PDE6A: variants seen among roughly 807,000 people sequenced by gnomAD.
The protein encoded by PDE6A is phosphodiesterase 6A.
PDE6A carries 84 observed loss-of-function variants against 106.3 expected under a neutral mutation model. The observed-to-expected ratio is 0.79, with a 90% CI of 0.66 to 0.95. The LOEUF (loss-of-function observed/expected upper bound fraction) is 0.95. Among genes scored for constraint, PDE6A ranks in the 40% least tolerant of loss-of-function variants. The pLI is 0.00. For synonymous variants in PDE6A, 394 were observed against 386.6 expected (o/e 1.02, Z -0.23); for missense variants, 1,052 against 1,084.9 (o/e 0.97, Z 0.43).
chr5:149,934,078 A>G, intron 2 of PDE6A, 59 bp from the exon 3 acceptor site: 3 of 925,792 alleles, frequency 3.2e-6, no homozygotes, highest in Non-Finnish European at 5.3e-6. Context: ...TCCTCTGGCT[A>G]CTTTTACCAT....
intron 17 of PDE6A, among the ~76,000 whole-genome samples, chr5:149,882,767 T>C (rs1250133018): frequency 6.6e-6 from 1 of 152,068 alleles, no homozygotes; most frequent in Non-Finnish European, 1.5e-5. Flanking sequence ...TCACTCAAAC[T>C]TTAATTCGGG....
chr5:149,933,166 A>C (rs1443604616), intron 3 of PDE6A, among the ~76,000 whole-genome samples: 2 of 148,712 alleles, frequency 1.3e-5, no homozygotes, highest in Non-Finnish European at 2.9e-5. Flanking sequence ...ATAATCTTTA[A>C]ATTTTTTGTA....
At chr5:149,884,268 A>ATATATG (rs1761044694) in intron 16 of PDE6A, among the ~76,000 whole-genome samples, 1 of 143,966 alleles carries the variant, frequency 6.9e-6, no homozygotes, top group African/African-American at 2.6e-5. Flanking sequence ...GTGTATATAT[A>ATATATG]TGTATATATG....
intron 7 of PDE6A, among the ~76,000 whole-genome samples, chr5:149,903,934 G>A (rs1390673966): frequency 1.3e-5 from 2 of 152,200 alleles, no homozygotes; most frequent in Non-Finnish European, 2.9e-5. Context: ...TCTAAGCTTT[G>A]AAAAAGTTAA....
chr5:149,915,125 C>G (rs756264435), intron 5 of PDE6A, 118 bp from the exon 6 acceptor site: 17 of 634,920 alleles, frequency 2.7e-5, no homozygotes, highest in Admixed American at 5.1e-5. Context: ...ACCTCCATCT[C>G]CTGCGTTCAA....
chr5:149,883,597 G>T, intron 16 of PDE6A, 61 bp from the exon 17 acceptor site: 1 of 1,061,104 alleles, frequency 9.4e-7, no homozygotes, highest in Non-Finnish European at 1.5e-6. Flanking sequence ...CACCTGAGCT[G>T]CTAACATTGG....
intron 4 of PDE6A, among the ~76,000 whole-genome samples, chr5:149,924,378 G>T (rs922963789): frequency 6.6e-6 from 1 of 151,488 alleles, no homozygotes; most frequent in Non-Finnish European, 1.5e-5. Context: ...TGTATGGCCA[G>T]CATTGTCTTT....
At chr5:149,906,807 T>C (rs551458303) in intron 7 of PDE6A, among the ~76,000 whole-genome samples, 2 of 152,266 alleles carry the variant, frequency 1.3e-5, no homozygotes, top group South Asian at 2.1e-4. Context: ...AGTCTCACTC[T>C]GTTGCCCAGG....
chr5:149,876,084 A>C (rs1178639929), intron 17 of PDE6A, among the ~76,000 whole-genome samples: 2 of 152,176 alleles, frequency 1.3e-5, no homozygotes, highest in Non-Finnish European at 2.9e-5. Flanking sequence ...ATTTATTGAA[A>C]TTATGTAATT....
At chr5:149,877,387 G>A (rs1405008568) in intron 17 of PDE6A, among the ~76,000 whole-genome samples, 1 of 152,044 alleles carries the variant, frequency 6.6e-6, no homozygotes, top group Non-Finnish European at 1.5e-5. Context: ...AGATCAGCCT[G>A]GGCAACATAG....
intron 6 of PDE6A, among the ~76,000 whole-genome samples, chr5:149,910,509 C>T (rs1458445336): frequency 6.6e-6 from 1 of 151,006 alleles, no homozygotes; most frequent in East Asian, 1.9e-4. Context: ...TTTATCATAT[C>T]TCACACTTTT....
At chr5:149,927,251 T>C (rs1387938028) in intron 4 of PDE6A, among the ~76,000 whole-genome samples, 2 of 152,148 alleles carry the variant, frequency 1.3e-5, no homozygotes, top group Admixed American at 6.5e-5. Flanking sequence ...TTAGCATGAA[T>C]GGAGCCTGCG....
chr5:149,935,527 G>A (rs577918486), intron 1 of PDE6A, among the ~76,000 whole-genome samples: 1 of 152,292 alleles, frequency 6.6e-6, no homozygotes, highest in East Asian at 1.9e-4. Context: ...GTTCAGGCCA[G>A]CTCAAAGAAA....
intron 10 of PDE6A, among the ~76,000 whole-genome samples, chr5:149,898,006 TGTCTCCA>T (rs1752822366): frequency 6.6e-6 from 1 of 152,204 alleles, no homozygotes; most frequent in African/African-American, 2.4e-5. Context: ...TGGTTGACTC[TGTCTCCA>T]GTAGCAAGTC....
chr5:149,914,588 C>T (rs960285051), intron 6 of PDE6A, among the ~76,000 whole-genome samples: 5 of 151,704 alleles, frequency 3.3e-5, no homozygotes, highest in African/African-American at 7.3e-5. Flanking sequence ...ACGCCAATTT[C>T]CCAAAAAGTC....
At chr5:149,919,208 A>G (rs1381148084) in intron 5 of PDE6A, among the ~76,000 whole-genome samples, 1 of 152,138 alleles carries the variant, frequency 6.6e-6, no homozygotes, top group East Asian at 1.9e-4. Flanking sequence ...TAGAAAGGTT[A>G]GAAATGGACA....
intron 13 of PDE6A, among the ~76,000 whole-genome samples, chr5:149,889,044 T>G (rs1380277489): frequency 7.6e-6 from 1 of 131,590 alleles, no homozygotes; most frequent in Admixed American, 8.4e-5. Context: ...GATGTGCCAC[T>G]GCACTCCAGC....
chr5:149,900,252 C>T (rs1752915968), intron 8 of PDE6A, among the ~76,000 whole-genome samples: 1 of 151,430 alleles, frequency 6.6e-6, no homozygotes, highest in Non-Finnish European at 1.5e-5. Context: ...ATCCCAGCTA[C>T]TCGGGAGGCT....
chr5:149,867,912 G>T lies in PDE6A; in HGVS notation c.2200-113C>A, dbSNP rs556435007. 253 of 1,158,732 alleles carry T rather than the reference G, an allele frequency of 2.2e-4. 4 individuals are homozygous for T. The East Asian group carries it at 5.9e-3, about 27-fold the overall frequency. The allele number at this position is 1,158,732 out of a possible 1,614,324, so 71.8% of individuals were successfully genotyped here. A position where few individuals can be genotyped will look rare whatever the true frequency, so the allele number is the denominator to read the frequency against. On this transcript the variant is annotated intron_variant, in intron 18 of 21. Transcript: ENST00000255266. ...CAACAAAAAGGATAAACCCATCCCTGCCCTGCCACCCTCACTTTTGCTGTC... is the reference window on the plus strand; with the variant it reads ...CAACAAAAAGGATAAACCCATCCCTTCCCTGCCACCCTCACTTTTGCTGTC...
Sources: gnomAD v4.1 joint callset for allele counts (sites outside exome capture counted in the v4.1 genomes callset) on GRCh38, gnomAD v4.1.1 for gene constraint, MANE v1.5 for transcripts, NCBI Gene and HGNC (gene_info 2026-07-23, HGNC 2026-07-21) for gene names.